Variants in GRIA2 observed in about 807,000 individuals in gnomAD.
GRIA2 encodes the protein glutamate ionotropic receptor AMPA type subunit 2.
A neutral mutation model predicts 97.3 loss-of-function variants in GRIA2; 14 were observed. The ratio of observed to expected loss-of-function variants is 0.14; its 90% confidence interval spans 0.10 to 0.23. The LOEUF is 0.23. Ranked by LOEUF, GRIA2 falls within the 10% of genes least tolerant of loss-of-function variation. The pLI, the probability that GRIA2 is intolerant of heterozygous loss-of-function variation, is 1.00. For missense variants in GRIA2, 558 were observed against 1,069.8 expected (o/e 0.52, Z 6.67); for synonymous variants, 412 against 387.8 (o/e 1.06, Z -0.73).
intron 6 of GRIA2, among the ~76,000 whole-genome samples, chr4:157,323,336 C>CAAAAAAAAA (rs779080483): frequency 5.8e-5 from 3 of 51,474 alleles, no homozygotes; most frequent in Non-Finnish European, 9.5e-5. Context: ...GACTCTGTCT[C>CAAAAAAAAA]AAAAAAAAAA....
At chr4:157,283,378 A>T (rs992783252) in intron 2 of GRIA2, among the ~76,000 whole-genome samples, 4 of 152,016 alleles carry the variant, frequency 2.6e-5, no homozygotes, top group Admixed American at 2.6e-4. Flanking sequence ...GGCTGAAAAT[A>T]TTAGATCCAT....
At chr4:157,220,696 GGA>G (rs1729449624), upstream of GRIA2, 2 of 319,098 alleles carry the variant, frequency 6.3e-6, no homozygotes, top group Non-Finnish European at 1.2e-5. Flanking sequence ...GAGTGAGAGA[GGA>G]GAGAGGGAGA....
chr4:157,239,585 TAGAA>T (rs1730410335), intron 2 of GRIA2, among the ~76,000 whole-genome samples: 2 of 152,024 alleles, frequency 1.3e-5, no homozygotes, highest in Admixed American at 6.6e-5. Context: ...TTTTGACAAT[TAGAA>T]AGATTGTCTT....
Position 157,355,907 on chromosome 4 carries a change from A to ATT in GRIA2, c.2044-3988_2044-3987insTT, listed in dbSNP as rs1736284432. On this transcript the variant is annotated intron_variant, in intron 12 of 15. Coordinates refer to ENST00000264426, the MANE Select transcript of GRIA2 (RefSeq NM_001083619.3). ...TATTAATATATTTATATATAAATAT[A>ATT]TATATATTAATATATTTATATATAT... Among the ~76,000 whole-genome samples the ATT allele has an allele frequency of 4.8e-5, 3 of 62,576 alleles. 1 individual carries two copies. The highest frequency in any genetic ancestry group is 7.0e-4 in the Admixed American group (2 of 2,850). The allele number at this position is 62,576 out of a possible 152,430, so 41.1% of individuals were successfully genotyped here.
intron 2 of GRIA2, among the ~76,000 whole-genome samples, chr4:157,252,271 T>C (rs1277120384): frequency 6.6e-6 from 1 of 152,120 alleles, no homozygotes; most frequent in Non-Finnish European, 1.5e-5. Context: ...ACTTGTGTGG[T>C]TGTGACTGCG....
At chr4:157,267,991 A>G (rs1351428448) in intron 2 of GRIA2, among the ~76,000 whole-genome samples, 2 of 152,136 alleles carry the variant, frequency 1.3e-5, no homozygotes, top group Admixed American at 6.6e-5. Context: ...ATAATGCTAT[A>G]ATTAGAGGAC....
At position 157,360,156 on chromosome 4, in the gene GRIA2, G is replaced by A. The variant is rs370263156; in HGVS notation, c.2291+13G>A. 3 of 1,611,282 alleles carry A rather than the reference G, an allele frequency of 1.9e-6. No homozygotes were observed. Among genetic ancestry groups the A allele is most frequent in the Non-Finnish European group, 2.5e-6 (3 of 1,177,944 alleles). ...GATCCTCATTAAGGTGGGTGGAATA[G>A]TATAACAATATGCTAAATGTTGTTA... On this transcript the variant is annotated intron_variant, in intron 13 of 15. Transcript: ENST00000264426.
chr4:157,348,818 A>G (rs1354670435), intron 12 of GRIA2, among the ~76,000 whole-genome samples: 2 of 152,218 alleles, frequency 1.3e-5, no homozygotes, highest in South Asian at 4.1e-4. Context: ...GCTTATATGA[A>G]TTATATGCTT....
At chr4:157,295,991 T>C (rs1413315444) in intron 2 of GRIA2, among the ~76,000 whole-genome samples, 2 of 152,210 alleles carry the variant, frequency 1.3e-5, no homozygotes, top group African/African-American at 4.8e-5. Flanking sequence ...ATATATTCCA[T>C]GCAAAGAAAT....
chr4:157,272,790 A>C (rs73856859), intron 2 of GRIA2, among the ~76,000 whole-genome samples: 4,844 of 152,198 alleles, frequency 0.032, 266 homozygotes, highest in African/African-American at 0.11. Flanking sequence ...GGAAATACTC[A>C]ACACTGGCCT....
rs914311607 is a variant in GRIA2, at chr4:157,332,795, T to C, written c.883-24T>C. On this transcript the variant is annotated intron_variant, in intron 6 of 15. Transcript: ENST00000264426. ...GTTTCTGAATTTTCTCCCGTTCTTA[T>C]GAAATGTGTGTGATCCTTTGCAGTA... 4 of 1,584,986 alleles carry C rather than the reference T, an allele frequency of 2.5e-6. No individual in the cohort carries two copies. The African/African-American group carries it at 4.1e-5, about 16-fold the overall frequency.
Position 157,323,071 on chromosome 4 carries a change from C to T in GRIA2, c.882+1472C>T, listed in dbSNP as rs186432284. ...GTATTTGTGGCCGGGCGCAGTGGCT[C>T]ACGCCTGTAATCCCTGCACTTTGGG... On this transcript the variant is annotated intron_variant, in intron 6 of 15. Coordinates refer to ENST00000264426, the MANE Select transcript of GRIA2 (RefSeq NM_001083619.3). Among the ~76,000 whole-genome samples, 365 of 152,080 alleles carry T rather than the reference C, an allele frequency of 2.4e-3. 1 individual carries two copies. Among genetic ancestry groups the T allele is most frequent in the African/African-American group, 8.4e-3 (350 of 41,486 alleles).
chr4:157,269,624 A>C (rs548740575), intron 2 of GRIA2, among the ~76,000 whole-genome samples: 1 of 152,080 alleles, frequency 6.6e-6, no homozygotes, highest in East Asian at 1.9e-4. Flanking sequence ...CTTTCAACTG[A>C]TATCTTTTCT....
At chr4:157,343,362 G>A (rs1400034462) in intron 12 of GRIA2, among the ~76,000 whole-genome samples, 3 of 152,002 alleles carry the variant, frequency 2.0e-5, no homozygotes, top group Admixed American at 6.6e-5. Context: ...ATATTTTGGG[G>A]TATTTGATCA....
At chr4:157,223,169 G>A (rs1444148322) in intron 2 of GRIA2, among the ~76,000 whole-genome samples, 2 of 152,122 alleles carry the variant, frequency 1.3e-5, no homozygotes, top group Non-Finnish European at 2.9e-5. Flanking sequence ...TATATTCCGT[G>A]ATTTAGCTTG....
intron 2 of GRIA2, among the ~76,000 whole-genome samples, chr4:157,241,252 C>T (rs891993291): frequency 3.9e-5 from 6 of 151,948 alleles, no homozygotes; most frequent in Non-Finnish European, 7.4e-5. Flanking sequence ...AAGGAATGAC[C>T]GCCTTATTTT....
At chr4:157,341,525 T>C in intron 12 of GRIA2, 63 bp downstream of exon 12, 1 of 1,121,772 alleles carries the variant, frequency 8.9e-7, no homozygotes, top group Non-Finnish European at 1.4e-6. Context: ...TTAAACTTTG[T>C]TTCCCTCCCA....
chr4:157,229,669 A>AT lies in GRIA2; in HGVS notation c.229+7868dup, dbSNP rs1448371922. Among the ~76,000 whole-genome samples, 4 of 152,042 alleles carry AT rather than the reference A, an allele frequency of 2.6e-5. No individual in the cohort carries two copies. In the South Asian group the frequency reaches 6.2e-4, roughly 24 times the overall value. On this transcript the variant is annotated intron_variant, in intron 2 of 15. Transcript: ENST00000264426. ...TATTTATGGTTATGTTAATACTTAC[A>AT]TTTTTTCCTGATTGTTTCAGTATTT...
At chr4:157,319,365 T>C (rs376799039) in intron 5 of GRIA2, among the ~76,000 whole-genome samples, 1 of 152,182 alleles carries the variant, frequency 6.6e-6, no homozygotes, top group East Asian at 1.9e-4. Context: ...TGAGAGCTGA[T>C]ATCTGATGCT....
Sources: gnomAD v4.1 joint callset for allele counts (sites outside exome capture counted in the v4.1 genomes callset) on GRCh38, gnomAD v4.1.1 for gene constraint, MANE v1.5 for transcripts, NCBI Gene and HGNC (gene_info 2026-07-23, HGNC 2026-07-21) for gene names.